GABPA: variants seen among roughly 807,000 people sequenced by gnomAD.
GABPA encodes the protein GA binding protein transcription factor subunit alpha, also known as GA-binding protein alpha chain.
A neutral mutation model predicts 59.4 loss-of-function variants in GABPA; 4 were observed. That is an observed-to-expected ratio of 0.07 (90% confidence interval 0.03 to 0.15). The LOEUF is 0.15. GABPA is among the 10% of genes least tolerant of loss of function. GABPA has a pLI of 1.00. For synonymous variants in GABPA, 164 were observed against 183.1 expected, an observed-to-expected ratio of 0.90 and a Z score of 0.84; for missense variants, 251 against 543.8, an observed-to-expected ratio of 0.46 and a Z score of 5.36.
chr21:25,740,713 A>T (rs1330222363), intron 1 of GABPA, among the ~76,000 whole-genome samples: 1 of 152,154 alleles, frequency 6.6e-6, no homozygotes, highest in Non-Finnish European at 1.5e-5. Context: ...ATCATTAAAA[A>T]TTTTCTACTG....
At chr21:25,763,248 A>G in intron 7 of GABPA, 1 of 433,380 alleles carries the variant, frequency 2.3e-6, no homozygotes, top group Non-Finnish European at 4.5e-6. Flanking sequence ...GAATACTTTT[A>G]AGCCTGCTGA....
intron 4 of GABPA, among the ~76,000 whole-genome samples, chr21:25,750,556 G>A (rs1233700845): frequency 6.6e-6 from 1 of 152,134 alleles, no homozygotes; most frequent in Non-Finnish European, 1.5e-5. Flanking sequence ...AAGTACCCAA[G>A]TTAGAAAAGA....
intron 7 of GABPA, among the ~76,000 whole-genome samples, chr21:25,763,944 C>G (rs975098756): frequency 2.7e-4 from 41 of 150,532 alleles, no homozygotes; most frequent in Non-Finnish European, 5.6e-4. Flanking sequence ...TACTCTTTGT[C>G]TAATGTGTAT....
At chr21:25,751,280 T>C (rs2035504459) in intron 4 of GABPA, among the ~76,000 whole-genome samples, 1 of 151,396 alleles carries the variant, frequency 6.6e-6, no homozygotes, top group Admixed American at 6.6e-5. Flanking sequence ...ATAGTTTAAA[T>C]GTGTTTTAAA....
intron 5 of GABPA, among the ~76,000 whole-genome samples, chr21:25,754,982 C>T (rs961887557): frequency 6.6e-6 from 1 of 151,858 alleles, no homozygotes; most frequent in African/African-American, 2.4e-5. Flanking sequence ...ACCTGGGAGG[C>T]GGACGTTGCA....
intron 6 of GABPA, among the ~76,000 whole-genome samples, chr21:25,759,191 G>C (rs1028289873): frequency 6.6e-6 from 1 of 152,116 alleles, no homozygotes; most frequent in Non-Finnish European, 1.5e-5. Flanking sequence ...TTAAGACACC[G>C]AAAGCAACCC....
chr21:25,767,867 A>T (rs557406890), intron 9 of GABPA, among the ~76,000 whole-genome samples: 1 of 152,216 alleles, frequency 6.6e-6, no homozygotes, highest in East Asian at 1.9e-4. Flanking sequence ...GAAAGATGAC[A>T]ATTTCCTGTA....
At chr21:25,738,353 C>G (rs765790769) in intron 1 of GABPA, among the ~76,000 whole-genome samples, 8 of 152,170 alleles carry the variant, frequency 5.3e-5, no homozygotes, top group Non-Finnish European at 1.0e-4. Flanking sequence ...TGTGAATATC[C>G]TTTTCCTATG....
chr21:25,768,972 G>T, intron 9 of GABPA, 32 bp from the exon 10 acceptor site: 1 of 1,272,778 alleles, frequency 7.9e-7, no homozygotes, highest in Non-Finnish European at 1.1e-6. Context: ...CATTTTTTCT[G>T]AAGTCTCTAA....
At chr21:25,746,657 A>ATTTTT (rs776733461) in intron 3 of GABPA, among the ~76,000 whole-genome samples, 5,221 of 152,284 alleles carry the variant, frequency 0.034, 106 homozygotes, top group Admixed American at 0.061. Flanking sequence ...GCATGTGGGA[A>ATTTTT]AGTCTAGTAG....
rs1478634678 is a variant in GABPA, at chr21:25,745,294, G to A, written c.162G>A (p.Leu54=). Reference sequence around the variant, plus strand: ...AACCAATAGGCAATTTAAAGAAACTGCTAGAACCAAGACTACAGTGTTCTT... The same window carrying A: ...AACCAATAGGCAATTTAAAGAAACTACTAGAACCAAGACTACAGTGTTCTT... ...INEPIGNLKK[L]LEPRLQCSLD... is the part of the protein sequence containing the mutation. Residue 54 remains leucine, a synonymous_variant, in exon 3 of 10, where the codon CTG becomes CTA. Coordinates refer to ENST00000400075, the MANE Select transcript of GABPA (RefSeq NM_002040.4). 4 of 1,613,704 alleles carry A rather than the reference G, an allele frequency of 2.5e-6. No individual in the cohort carries two copies. The highest frequency in any genetic ancestry group is 3.4e-6 in the Non-Finnish European group (4 of 1,179,744).
At chr21:25,738,566 C>T (rs1189297523) in intron 1 of GABPA, among the ~76,000 whole-genome samples, 1 of 152,080 alleles carries the variant, frequency 6.6e-6, no homozygotes, top group Non-Finnish European at 1.5e-5. Context: ...TTTTTCTATC[C>T]TGAGACCACA....
At chr21:25,761,559 G>A (rs866408434) in intron 6 of GABPA, among the ~76,000 whole-genome samples, 64 of 152,282 alleles carry the variant, frequency 4.2e-4, no homozygotes, top group African/African-American at 1.4e-3. Context: ...TACCCAGAAT[G>A]ATTGCTGGAG....
Position 25,735,254 on chromosome 21 carries a change from G to A in GABPA, c.-351G>A, listed in dbSNP as rs1389416918. On this transcript the variant is annotated 5_prime_UTR_variant, in exon 1 of 10. Transcript: ENST00000400075. The stretch of plus-strand genomic sequence containing the variant: ...CGTTAGGGTTATCGAAGTGTATAAA[G>A]GTGCAGGGAAAGTGAGACTGTGTAA... The A allele has an allele frequency of 5.6e-6, 3 of 532,546 alleles. No individual in the cohort carries two copies. Among genetic ancestry groups the A allele is most frequent in the African/African-American group, 3.8e-5 (2 of 52,606 alleles). The allele number at this position is 532,546 out of a possible 1,614,324, so 33.0% of individuals were successfully genotyped here.
At chr21:25,739,965 A>T (rs1164129131) in intron 1 of GABPA, among the ~76,000 whole-genome samples, 1 of 152,116 alleles carries the variant, frequency 6.6e-6, no homozygotes, top group South Asian at 2.1e-4. Flanking sequence ...GTATTGACTG[A>T]GAATAGACTG....
At chr21:25,741,812 TTCC>T in intron 2 of GABPA, 137 bp downstream of exon 2, 1 of 558,616 alleles carries the variant, frequency 1.8e-6, no homozygotes. Flanking sequence ...ATTGTTTTAT[TTCC>T]TCTGACTTAA....
intron 6 of GABPA, 92 bp downstream of exon 6, chr21:25,758,296 T>C: frequency 1.2e-6 from 1 of 861,128 alleles, no homozygotes; most frequent in South Asian, 1.8e-5. Flanking sequence ...TTATTGATAA[T>C]GATAAGTAAT....
intron 1 of GABPA, among the ~76,000 whole-genome samples, chr21:25,739,477 T>A (rs1191983512): frequency 3.9e-5 from 6 of 152,212 alleles, no homozygotes; most frequent in Non-Finnish European, 8.8e-5. Flanking sequence ...TGTCTAGCTT[T>A]CAGAAGCTAC....
intron 9 of GABPA, among the ~76,000 whole-genome samples, chr21:25,765,850 C>T (rs1449662756): frequency 6.6e-6 from 1 of 151,792 alleles, no homozygotes; most frequent in Non-Finnish European, 1.5e-5. Flanking sequence ...TGTCAGTTCC[C>T]CCCCAGATTG....
Sources: gnomAD v4.1 joint callset for allele counts (sites outside exome capture counted in the v4.1 genomes callset) on GRCh38, gnomAD v4.1.1 for gene constraint, MANE v1.5 for transcripts, NCBI Gene and HGNC (gene_info 2026-07-23, HGNC 2026-07-21) for gene names.